Variants in IFT57 observed in about 807,000 individuals in gnomAD.
IFT57 encodes the protein intraflagellar transport protein 57 homolog.
A neutral mutation model predicts 56.8 loss-of-function variants in IFT57; 59 were observed. The ratio of observed to expected loss-of-function variants is 1.04; its 90% CI spans 0.84 to 1.29. IFT57 has a LOEUF of 1.29. Among genes scored for constraint, IFT57 ranks in the 50% most tolerant of loss-of-function variants. The pLI, the probability that IFT57 is intolerant of heterozygous loss-of-function variation, is 0.00. For missense variants in IFT57, 470 were observed against 522.1 expected (o/e 0.90, Z 0.97); for synonymous variants, 209 against 186.1 (o/e 1.12, Z -1.00).
chr3:108,208,545 A>C (rs1223367854), intron 4 of IFT57, among the ~76,000 whole-genome samples: 1 of 152,234 alleles, frequency 6.6e-6, no homozygotes, highest in Non-Finnish European at 1.5e-5. Flanking sequence ...TCCTACAGCC[A>C]GGATTTACAG....
chr3:108,220,527 G>T (rs138670487), intron 1 of IFT57, among the ~76,000 whole-genome samples: 1 of 152,294 alleles, frequency 6.6e-6, no homozygotes, highest in African/African-American at 2.4e-5. Context: ...AAAAGGCCAT[G>T]AAGTCCTTCC....
intron 8 of IFT57, 126 bp downstream of exon 8, chr3:108,166,728 G>T: frequency 1.4e-6 from 1 of 733,780 alleles, no homozygotes. Context: ...CCTAAAGTGG[G>T]CAGAAAATTG....
chr3:108,209,914 A>G (rs988232037), intron 4 of IFT57, among the ~76,000 whole-genome samples: 2 of 110,060 alleles, frequency 1.8e-5, no homozygotes, highest in Non-Finnish European at 4.1e-5. Context: ...GTCTTTTTCT[A>G]TATGTGTGTG....
At chr3:108,179,904 T>TC (rs2080143230) in intron 6 of IFT57, among the ~76,000 whole-genome samples, 1 of 880 alleles carries the variant, frequency 1.1e-3, no homozygotes, top group Admixed American at 0.024. Flanking sequence ...ACATATTACT[T>TC]TAAAAAAGTA....
At chr3:108,185,014 C>T (rs948447049) in intron 6 of IFT57, among the ~76,000 whole-genome samples, 1 of 152,096 alleles carries the variant, frequency 6.6e-6, no homozygotes, top group Non-Finnish European at 1.5e-5. Flanking sequence ...AGATTGAGGT[C>T]TGCAGCTGAG....
intron 4 of IFT57, among the ~76,000 whole-genome samples, chr3:108,212,674 G>C (rs1027456576): frequency 6.6e-6 from 1 of 152,126 alleles, no homozygotes. Flanking sequence ...ACTCTATTCA[G>C]ATAGCATCTA....
intron 4 of IFT57, among the ~76,000 whole-genome samples, chr3:108,212,312 A>G (rs1451045456): frequency 2.6e-5 from 4 of 152,076 alleles, no homozygotes; most frequent in Admixed American, 1.3e-4. Flanking sequence ...CCTGGCCTGA[A>G]GCAATCCTCC....
chr3:108,171,657 T>A (rs142462056), intron 6 of IFT57, among the ~76,000 whole-genome samples: 1 of 151,714 alleles, frequency 6.6e-6, no homozygotes, highest in Non-Finnish European at 1.5e-5. Context: ...AACACTGGAA[T>A]AGAGAGGAGG....
At chr3:108,216,892 GT>G (rs1420195496) in intron 3 of IFT57, among the ~76,000 whole-genome samples, 1 of 152,098 alleles carries the variant, frequency 6.6e-6, no homozygotes, top group East Asian at 1.9e-4. Flanking sequence ...TATCATAGAA[GT>G]AGAGAGTATA....
intron 4 of IFT57, among the ~76,000 whole-genome samples, chr3:108,210,416 C>G (rs1322127395): frequency 6.7e-6 from 1 of 148,486 alleles, no homozygotes; most frequent in Non-Finnish European, 1.5e-5. Flanking sequence ...TCACTGCAAC[C>G]TCCACCTCCC....
chr3:108,205,220 G>A (rs1260902339), intron 5 of IFT57, among the ~76,000 whole-genome samples: 4 of 152,048 alleles, frequency 2.6e-5, no homozygotes, highest in Admixed American at 1.3e-4. Flanking sequence ...TACTTTCTAT[G>A]TGACAGATAT....
chr3:108,167,752 T>C (rs1373975394), intron 7 of IFT57, 41 bp downstream of exon 7: 5 of 1,329,366 alleles, frequency 3.8e-6, no homozygotes, highest in Non-Finnish European at 1.0e-6. Flanking sequence ...GTTCCACAGA[T>C]GAGTAAATGT....
chr3:108,192,487 T>C (rs1270104113), intron 5 of IFT57, among the ~76,000 whole-genome samples: 1 of 152,132 alleles, frequency 6.6e-6, no homozygotes, highest in Non-Finnish European at 1.5e-5. Flanking sequence ...CTTTTCTTTT[T>C]TCTCAGCCCT....
chr3:108,176,850 C>A (rs1283876041), intron 6 of IFT57, among the ~76,000 whole-genome samples: 2 of 151,758 alleles, frequency 1.3e-5, no homozygotes, highest in East Asian at 3.9e-4. Flanking sequence ...ATAATGATAA[C>A]TATAATGTTA....
chr3:108,220,349 T>C (rs2080398681), intron 1 of IFT57, among the ~76,000 whole-genome samples: 1 of 152,214 alleles, frequency 6.6e-6, no homozygotes, highest in Admixed American at 6.5e-5. Flanking sequence ...TAATCAAAGA[T>C]CTTATTTGTC....
At chr3:108,220,552 T>C (rs2080400147) in intron 1 of IFT57, among the ~76,000 whole-genome samples, 1 of 152,188 alleles carries the variant, frequency 6.6e-6, no homozygotes, top group Non-Finnish European at 1.5e-5. Context: ...ATATGCTCAC[T>C]ATCCTTTCAA....
intron 5 of IFT57, among the ~76,000 whole-genome samples, chr3:108,194,556 A>G (rs2080233181): frequency 6.6e-6 from 1 of 152,214 alleles, no homozygotes. Context: ...AAAAGAACAA[A>G]GCTGGAATCA....
intron 6 of IFT57, among the ~76,000 whole-genome samples, chr3:108,176,849 A>G (rs1404087927): frequency 1.3e-4 from 19 of 151,850 alleles, no homozygotes; most frequent in Admixed American, 1.2e-3. Flanking sequence ...AATAATGATA[A>G]CTATAATGTT....
intron 6 of IFT57, among the ~76,000 whole-genome samples, chr3:108,181,216 T>TG (rs1230022467): frequency 6.6e-6 from 1 of 152,040 alleles, no homozygotes; most frequent in African/African-American, 2.4e-5. Context: ...TCCTGAATGT[T>TG]CAACAAGACT....
Sources: gnomAD v4.1 joint callset for allele counts (sites outside exome capture counted in the v4.1 genomes callset) on GRCh38, gnomAD v4.1.1 for gene constraint, MANE v1.5 for transcripts, NCBI Gene and HGNC (gene_info 2026-07-23, HGNC 2026-07-21) for gene names.